The following GPKOW variants were observed in gnomAD, a reference collection of about 807,000 sequenced individuals.
GPKOW encodes G-patch domain and KOW motifs, also known as G-patch domain and KOW motifs-containing protein.
For missense variants in GPKOW, 359 were observed against 404.7 expected (o/e 0.89, Z 0.97); for synonymous variants, 167 against 159.1 (o/e 1.05, Z -0.37).
intron 3 of GPKOW, among the ~76,000 whole-genome samples, chrX:49,121,536 G>T (rs2065213033): frequency 9.0e-6 from 1 of 111,347 alleles, no homozygotes; most frequent in African/African-American, 3.3e-5. Context: ...GGCTGTAGAA[G>T]AACTAGACTC....
At chrX:49,119,193 G>A (rs781941083) in intron 4 of GPKOW, among the ~76,000 whole-genome samples, 6 of 109,275 alleles carry the variant, frequency 5.5e-5, no homozygotes, top group South Asian at 4.0e-4. Flanking sequence ...TCCTGACCTC[G>A]TGATCCACCC....
rs782436909 is a variant in GPKOW at position 49,115,753 on chromosome X, G to A, written c.1183C>T (p.Arg395Trp). The part of the protein sequence containing the change: ...DVLSPDTCVC[R>W]TDEGRVLEGL... ...TCCAGGACTCGGCCTTCATCTGTCCGACATACACAGGTATCTGGGCTTAGG... is the reference window on the plus strand; with the variant it reads ...TCCAGGACTCGGCCTTCATCTGTCCAACATACACAGGTATCTGGGCTTAGG... Residue 395 changes from arginine to tryptophan, a missense_variant, in exon 9 of 11, where the codon CGG becomes TGG. Transcript: ENST00000156109. 7.5e-6 allele frequency: 9 copies of A among 1,204,626 alleles called. No homozygotes were observed. The South Asian group carries it at 1.2e-4, about 17-fold the overall frequency.
intron 9 of GPKOW, 103 bp from the exon 10 acceptor site, chrX:49,114,041 T>C: frequency 3.7e-6 from 2 of 542,459 alleles, no homozygotes; most frequent in Non-Finnish European, 6.4e-6. Flanking sequence ...CTCACACCTG[T>C]AGTCCCAGCA....
Position 49,113,850 on chromosome X carries a change from C to T in GPKOW, c.1296+3G>A. The T allele has an allele frequency of 1.7e-6, 2 of 1,206,479 alleles. No individual in the cohort carries two copies. The highest frequency in any genetic ancestry group is 2.2e-6 in the Non-Finnish European group (2 of 890,649). On this transcript the variant is annotated splice_donor_region_variant and intron_variant, in intron 10 of 10. Transcript: ENST00000156109. The stretch of plus-strand genomic sequence containing the variant: ...AACCTCTACTGCCAGGTCTGAGACT[C>T]ACCCTTCCAGTCTGTGGGCCCAGCA...
In GPKOW at chrX:49,119,731, G is replaced by A; in HGVS notation, c.540C>T (p.Gly180=). The stretch of plus-strand genomic sequence containing the variant: ...GATTGAAGGTGCGGCCGATGCCCTC[G>A]CCAGGTTTCCAGCCCATGCCCCGCA... The part of the protein sequence containing the change: ...AMLRGMGWKP[G]EGIGRTFNQV... Residue 180 remains glycine, a synonymous_variant, in exon 4 of 11, where the codon GGC becomes GGT. Transcript: ENST00000156109. 8.3e-7 allele frequency: 1 copy of A among 1,197,608 alleles called. No individual in the cohort carries two copies. The highest frequency in any genetic ancestry group is 1.1e-6 in the Non-Finnish European group (1 of 883,245).
At chrX:49,118,922 G>A (rs1320705564) in intron 4 of GPKOW, among the ~76,000 whole-genome samples, 1 of 102,218 alleles carries the variant, frequency 9.8e-6, no homozygotes, top group East Asian at 3.1e-4. Flanking sequence ...CCTACTGTAT[G>A]TGCTTTATGT....
At chrX:49,121,731 C>T (rs782569190) in intron 3 of GPKOW, among the ~76,000 whole-genome samples, 6 of 110,676 alleles carry the variant, frequency 5.4e-5, no homozygotes, top group Non-Finnish European at 9.4e-5. Flanking sequence ...CACACCATAT[C>T]GATTTTCTAC....
intron 9 of GPKOW, 61 bp downstream of exon 9, chrX:49,115,665 C>T: frequency 1.0e-6 from 1 of 992,208 alleles, no homozygotes; most frequent in East Asian, 3.0e-5. Context: ...TTGCCTGGGC[C>T]AGGCTCTGGG....
At chrX:49,116,723 C>T (rs1221452235) in intron 6 of GPKOW, among the ~76,000 whole-genome samples, 1 of 111,720 alleles carries the variant, frequency 9.0e-6, no homozygotes, top group African/African-American at 3.3e-5. Flanking sequence ...GTTCTCACTC[C>T]CTAGTAAAAG....
chrX:49,123,563 C>G lies in GPKOW; in HGVS notation c.160G>C (p.Gly54Arg), dbSNP rs781872378. The stretch of plus-strand genomic sequence containing the variant: ...GCGCGTCACCTCTGCAGCTCCCTCC[C>G]TTCCACGGTTTTCAAGAAATCCTTC... ...EEKDFLKTVE[G>R]RELQSVKPQE... Residue 54 changes from glycine (G) to arginine (R), a missense_variant, in exon 1 of 11, where the codon GGG becomes CGG. Gly to Arg is a moderately radical substitution (Grantham distance 125, BLOSUM62 -2). Coordinates refer to ENST00000156109, the MANE Select transcript of GPKOW (RefSeq NM_015698.6). 1.1e-5 allele frequency: 13 copies of G among 1,206,834 alleles called. No individual in the cohort carries two copies. Among genetic ancestry groups the G allele is most frequent in the African/African-American group, 1.7e-5 (1 of 57,215 alleles).
At chrX:49,122,560 C>A in intron 2 of GPKOW, 38 bp from the exon 3 acceptor site, 1 of 1,208,020 alleles carries the variant, frequency 8.3e-7, no homozygotes. Context: ...AAGTCCCACT[C>A]TATCCTTCCA....
intron 4 of GPKOW, 79 bp from the exon 5 acceptor site, chrX:49,117,889 C>T: frequency 2.3e-6 from 1 of 434,682 alleles, no homozygotes; most frequent in South Asian, 5.1e-5. Context: ...CCTGCCCAAA[C>T]CCGCCCCACC....
At chrX:49,122,312 G>C in intron 3 of GPKOW, 86 bp downstream of exon 3, 1 of 864,817 alleles carries the variant, frequency 1.2e-6, no homozygotes, top group Non-Finnish European at 1.6e-6. Flanking sequence ...CACACACACA[G>C]ACTTTCCCTG....
Position 49,116,025 on chromosome X carries a change from G to C in GPKOW, c.1017-11C>G, listed in dbSNP as rs2065192504. ...GCAGGCCCATCCTGTCTGTGGAGAA[G>C]GTGCCAGCACCAGGCTTAGCTCTTC... On this transcript the variant is annotated splice_polypyrimidine_tract_variant and intron_variant, in intron 7 of 10. Transcript: ENST00000156109. The C allele has an allele frequency of 8.3e-6, 10 of 1,211,216 alleles. No homozygotes were observed. The highest frequency in any genetic ancestry group is 1.1e-5 in the Non-Finnish European group (10 of 895,253).
At position 49,123,724 on chromosome X, in the gene GPKOW, T is replaced by A. The variant is rs782463730; in HGVS notation, c.-2A>T. 8.4e-7 allele frequency: 1 copy of A among 1,196,056 alleles called. No individual in the cohort carries two copies. Among genetic ancestry groups the A allele is most frequent in the South Asian group, 1.8e-5 (1 of 54,723 alleles). On this transcript the variant is annotated 5_prime_UTR_variant, in exon 1 of 11. The change creates a new upstream start codon in the 5' untranslated region. Transcript: ENST00000156109. Reference sequence around the variant, plus strand: ...AACACCCTCTTTGGAGTCAGCCATCTTGCTCCTTTTCCCAGGCCGGCGCGC... The same window carrying A: ...AACACCCTCTTTGGAGTCAGCCATCATGCTCCTTTTCCCAGGCCGGCGCGC...
At chrX:49,115,588 T>C in intron 9 of GPKOW, 138 bp downstream of exon 9, 1 of 441,134 alleles carries the variant, frequency 2.3e-6, no homozygotes, top group Non-Finnish European at 4.0e-6. Context: ...ATCATGGAAG[T>C]GTCTAATGTT....
Position 49,117,754 on chromosome X carries a change from T to C in GPKOW, c.623A>G (p.Asn208Ser), listed in dbSNP as rs781897806. 4.1e-6 allele frequency: 5 copies of C among 1,209,756 alleles called. No homozygotes were observed. The highest frequency in any genetic ancestry group is 5.6e-6 in the Non-Finnish European group (5 of 894,084). Residue 208 changes from asparagine to serine, a missense_variant, in exon 5 of 11, where the codon AAC (asparagine) becomes AGC (serine). Coordinates refer to ENST00000156109, the MANE Select transcript of GPKOW (RefSeq NM_015698.6). The part of the protein sequence containing the change: ...LRPKGLGLGA[N>S]LTEAQALTPT... ...GGTCAAGGCCTGGGCCTCGGTCAGGTTGGCACCCAGCCCTAACCCCTTGGG... is the reference window on the plus strand; with the variant it reads ...GGTCAAGGCCTGGGCCTCGGTCAGGCTGGCACCCAGCCCTAACCCCTTGGG...
In GPKOW at chrX:49,115,732, G is replaced by A; in HGVS notation, c.1204C>T (p.Leu402=). 8.3e-7 allele frequency: 1 copy of A among 1,205,076 alleles called. No individual in the cohort carries two copies. Among genetic ancestry groups the A allele is most frequent in the Non-Finnish European group, 1.1e-6 (1 of 889,668 alleles). The part of the protein sequence containing the change: ...CVCRTDEGRV[L]EGLREDMLET... ...TGCCATCGCTCAAACTCACCTTCCA[G>A]GACTCGGCCTTCATCTGTCCGACAT... Residue 402 remains leucine (L), a synonymous_variant, in exon 9 of 11, where the codon CTG becomes TTG. Transcript: ENST00000156109.
At chrX:49,114,793 C>T (rs1284599415) in intron 9 of GPKOW, among the ~76,000 whole-genome samples, 1 of 104,091 alleles carries the variant, frequency 9.6e-6, no homozygotes, top group Admixed American at 1.0e-4. Flanking sequence ...GGTGTGGTAG[C>T]GGGCACCTGT....
Sources: allele counts gnomAD v4.1 joint callset (sites outside exome capture counted in the v4.1 genomes callset), GRCh38; gene constraint gnomAD v4.1.1; transcripts MANE v1.5; gene names NCBI Gene and HGNC (gene_info 2026-07-23, HGNC 2026-07-21).